Variants in NEDD9 observed in about 807,000 individuals in gnomAD.
NEDD9 encodes the protein neural precursor cell expressed, developmentally down-regulated 9, also known as enhancer of filamentation 1.
Under a neutral mutation model 76.6 loss-of-function variants are expected in NEDD9, and 26 were observed. The ratio of observed to expected loss-of-function variants is 0.34; its 90% CI spans 0.25 to 0.47. The LOEUF is 0.47. Among genes scored for constraint, NEDD9 ranks in the 20% least tolerant of loss-of-function variants. The pLI is 1.00. For missense variants in NEDD9, 937 were observed against 1,058.5 expected, an observed-to-expected ratio of 0.89 and a Z score of 1.59; for synonymous variants, 392 against 414.2, an observed-to-expected ratio of 0.95 and a Z score of 0.65.
intron 2 of NEDD9, among the ~76,000 whole-genome samples, chr6:11,207,831 G>A (rs879419933): frequency 6.6e-5 from 10 of 152,154 alleles, no homozygotes; most frequent in Non-Finnish European, 1.5e-4. Flanking sequence ...AAATAGAAGG[G>A]AAAGGCATTC....
Position 11,286,754 on chromosome 6 carries a change from C to A in NEDD9, c.12+19238G>T, listed in dbSNP as rs184712592. On this transcript the variant is annotated intron_variant, in intron 3 of 3. Transcript: ENST00000397378. ...AGATATGTATCATTTATATAATTTT[C>A]TGGAATATCCAAACTGATGTATAGT... is the stretch of plus-strand genomic sequence containing the variant. 6.8e-4 allele frequency among the ~76,000 whole-genome samples: 103 copies of A among 152,252 alleles called. No individual in the cohort carries two copies. The Middle Eastern group carries it at 0.037, about 55-fold the overall frequency.
At chr6:11,333,869 T>A (rs1582035743) in intron 2 of NEDD9, among the ~76,000 whole-genome samples, 1 of 152,258 alleles carries the variant, frequency 6.6e-6, no homozygotes, top group Admixed American at 6.5e-5. Context: ...TGAGGTTGAA[T>A]GTAACATATA....
chr6:11,227,034 A>C (rs1759327380), intron 1 of NEDD9, among the ~76,000 whole-genome samples: 1 of 152,244 alleles, frequency 6.6e-6, no homozygotes, highest in Non-Finnish European at 1.5e-5. Flanking sequence ...AGATCCTCTT[A>C]AATGGCTATT....
At chr6:11,350,941 C>T (rs937223281) in intron 1 of NEDD9, among the ~76,000 whole-genome samples, 6 of 152,112 alleles carry the variant, frequency 3.9e-5, no homozygotes, top group African/African-American at 1.2e-4. Flanking sequence ...GACATATAAT[C>T]GACAAACACA....
At chr6:11,335,076 C>A (rs1405948449) in intron 1 of NEDD9, among the ~76,000 whole-genome samples, 4 of 152,104 alleles carry the variant, frequency 2.6e-5, no homozygotes, top group African/African-American at 9.7e-5. Context: ...GAAGCAAATT[C>A]AAAGGGTGAA....
intron 4 of NEDD9, 134 bp from the exon 5 acceptor site, chr6:11,191,339 G>T (rs985923713): frequency 7.7e-6 from 7 of 911,236 alleles, no homozygotes; most frequent in African/African-American, 3.4e-5. Flanking sequence ...CACTTCCAAG[G>T]TTCCCCGTTA....
chr6:11,253,384 T>G (rs2113309659), intron 3 of NEDD9, among the ~76,000 whole-genome samples: 1 of 152,316 alleles, frequency 6.6e-6, no homozygotes, highest in South Asian at 2.1e-4. Context: ...AAGGTAAAAT[T>G]TGATCGGGGA....
At chr6:11,217,911 C>T (rs1260986582) in intron 1 of NEDD9, among the ~76,000 whole-genome samples, 3 of 152,352 alleles carry the variant, frequency 2.0e-5, no homozygotes, top group South Asian at 2.1e-4. Context: ...CTGGCCTCCA[C>T]GATACCACTT....
At chr6:11,307,812 A>G (rs575011223) in intron 2 of NEDD9, among the ~76,000 whole-genome samples, 15 of 152,246 alleles carry the variant, frequency 9.9e-5, no homozygotes, top group African/African-American at 3.4e-4. Flanking sequence ...AGCCCTTTCC[A>G]GTGCAACCCC....
At chr6:11,331,642 C>T (rs1209636344) in intron 2 of NEDD9, among the ~76,000 whole-genome samples, 1 of 152,202 alleles carries the variant, frequency 6.6e-6, no homozygotes. Context: ...AGGAGGTGCT[C>T]CATCTCCTTC....
intron 3 of NEDD9, 101 bp downstream of exon 3, chr6:11,193,490 T>C (rs1378610974): frequency 6.4e-6 from 5 of 781,234 alleles, no homozygotes; most frequent in African/African-American, 5.2e-5. Context: ...TCATATGACA[T>C]ATATTAATGC....
chr6:11,294,967 G>A (rs1375984129), intron 3 of NEDD9, among the ~76,000 whole-genome samples: 1 of 152,190 alleles, frequency 6.6e-6, no homozygotes, highest in Admixed American at 6.5e-5. Context: ...AAGATCTGAT[G>A]GTTTTGTAAA....
intron 1 of NEDD9, among the ~76,000 whole-genome samples, chr6:11,336,896 G>A (rs1762170957): frequency 6.6e-6 from 1 of 152,126 alleles, no homozygotes; most frequent in South Asian, 2.1e-4. Flanking sequence ...ATCTTCAGGG[G>A]CAATGACATA....
chr6:11,194,365 T>C (rs1758239535), intron 2 of NEDD9, among the ~76,000 whole-genome samples: 1 of 152,258 alleles, frequency 6.6e-6, no homozygotes, highest in Admixed American at 6.5e-5. Flanking sequence ...TACCGCATAC[T>C]GAAATTTGCT....
intron 2 of NEDD9, chr6:11,200,931 C>T: frequency 1.2e-6 from 2 of 1,614,030 alleles, no homozygotes; most frequent in Non-Finnish European, 1.7e-6. Context: ...CCTCCAAACT[C>T]AGGACACTTT....
At chr6:11,319,738 GCACA>G (rs112941814) in intron 2 of NEDD9, among the ~76,000 whole-genome samples, 6 of 120,480 alleles carry the variant, frequency 5.0e-5, no homozygotes, top group Non-Finnish European at 4.9e-5. Context: ...ACACTAACAT[GCACA>G]CACACACTAA....
intron 1 of NEDD9, among the ~76,000 whole-genome samples, chr6:11,337,078 C>T (rs1223799880): frequency 5.9e-5 from 9 of 152,064 alleles, no homozygotes; most frequent in African/African-American, 7.2e-5. Context: ...ATTATCTGGA[C>T]GTGGTGGAGC....
At chr6:11,186,626 CT>C (rs372786569) in intron 6 of NEDD9, among the ~76,000 whole-genome samples, 2,173 of 151,506 alleles carry the variant, frequency 0.014, 50 homozygotes, top group African/African-American at 0.05. Flanking sequence ...CTTTACTTTT[CT>C]TTTTTTTTGA....
intron 3 of NEDD9, among the ~76,000 whole-genome samples, chr6:11,284,909 T>C (rs1006717904): frequency 6.6e-6 from 1 of 152,048 alleles, no homozygotes; most frequent in Admixed American, 6.6e-5. Flanking sequence ...TTTATTCTTA[T>C]GAAGACCCTT....
Sources: gnomAD v4.1 joint callset for allele counts (sites outside exome capture counted in the v4.1 genomes callset) on GRCh38, gnomAD v4.1.1 for gene constraint, MANE v1.5 for transcripts, NCBI Gene and HGNC (gene_info 2026-07-23, HGNC 2026-07-21) for gene names.